ADGRL3: variants seen among roughly 807,000 people sequenced by gnomAD.
ADGRL3 encodes adhesion G protein-coupled receptor L3, also known as calcium-independent alpha-latrotoxin receptor 3.
In ADGRL3, 62 loss-of-function variants were observed where a neutral mutation model predicts 153.5. The observed-to-expected ratio is 0.40, with a 90% CI of 0.33 to 0.50. The LOEUF (loss-of-function observed/expected upper bound fraction) is 0.50. Ranked by LOEUF, ADGRL3 falls within the 20% of genes least tolerant of loss-of-function variation. ADGRL3 has a pLI of 0.47. For synonymous variants in ADGRL3, 710 were observed against 672.5 expected (o/e 1.06, Z -0.86); for missense variants, 1,641 against 1,859.4 (o/e 0.88, Z 2.16).
intron 3 of ADGRL3, among the ~76,000 whole-genome samples, chr4:61,504,785 A>G (rs2098416535): frequency 6.6e-6 from 1 of 152,094 alleles, no homozygotes; most frequent in African/African-American, 2.4e-5. Context: ...TGGCTTAAGA[A>G]TTTCATCGCT....
intron 9 of ADGRL3, among the ~76,000 whole-genome samples, chr4:61,847,075 A>G (rs1220075443): frequency 6.6e-6 from 1 of 151,804 alleles, no homozygotes; most frequent in East Asian, 1.9e-4. Context: ...ACAATTCAAC[A>G]TGAGATTTGG....
At chr4:61,876,656 T>A (rs1352219006) in intron 9 of ADGRL3, among the ~76,000 whole-genome samples, 10 of 151,328 alleles carry the variant, frequency 6.6e-5, no homozygotes, top group Non-Finnish European at 1.3e-4. Flanking sequence ...GTAGAGAGTA[T>A]GAGAAATAAA....
intron 22 of ADGRL3, 132 bp from the exon 23 acceptor site, chr4:62,031,310 A>G: frequency 1.5e-6 from 1 of 662,276 alleles, no homozygotes. Flanking sequence ...AAGTACTTAC[A>G]CCACCTGTCT....
chr4:61,219,358 C>G (rs899801398), intron 1 of ADGRL3, among the ~76,000 whole-genome samples: 2 of 152,158 alleles, frequency 1.3e-5, no homozygotes, highest in African/African-American at 4.8e-5. Context: ...AAGCCATTCT[C>G]TGAAGACCTG....
intron 8 of ADGRL3, among the ~76,000 whole-genome samples, chr4:61,768,439 A>G (rs1289451340): frequency 6.6e-6 from 1 of 151,964 alleles, no homozygotes; most frequent in African/African-American, 2.4e-5. Context: ...GAAAGAAGGA[A>G]GATTTGGGAC....
chr4:61,259,053 C>T (rs3860622), intron 1 of ADGRL3, among the ~76,000 whole-genome samples: 95,942 of 151,950 alleles, frequency 0.63, 30,497 homozygotes, highest in East Asian at 0.7. Context: ...ATTGAACTTA[C>T]CTCAAAACGA....
chr4:62,045,828 A>G (rs1025136682), intron 25 of ADGRL3, among the ~76,000 whole-genome samples: 6 of 151,996 alleles, frequency 3.9e-5, no homozygotes, highest in Non-Finnish European at 5.9e-5. Flanking sequence ...AACGTATTAA[A>G]ATAAAAGAGC....
chr4:62,072,447 T>C lies in ADGRL3; in HGVS notation c.*1539T>C, dbSNP rs769834947. 2 of 152,582 alleles carry C rather than the reference T, an allele frequency of 1.3e-5. No individual in the cohort carries two copies. The highest frequency in any genetic ancestry group is 2.9e-5 in the Non-Finnish European group (2 of 68,020). 9.5% of individuals were successfully genotyped at this position (152,582 alleles called of 1,614,324 possible). ...CAACTGATTGAGATTTAGAAGATAT[T>C]GTATTGATGTATGTACTATATGATT... On this transcript the variant is annotated 3_prime_UTR_variant, in exon 27 of 27. Transcript: ENST00000683033.
intron 8 of ADGRL3, among the ~76,000 whole-genome samples, chr4:61,772,553 G>A (rs981709407): frequency 1.3e-5 from 2 of 152,206 alleles, no homozygotes; most frequent in African/African-American, 4.8e-5. Context: ...TTAAACCTGA[G>A]TATTTTTATG....
chr4:61,850,492 T>C (rs6551661), intron 9 of ADGRL3, among the ~76,000 whole-genome samples: 26,745 of 152,132 alleles, frequency 0.18, 3,072 homozygotes, highest in African/African-American at 0.33. Flanking sequence ...AATGACAAAT[T>C]TAACTTGAGT....
chr4:61,970,936 A>G (rs988532333), intron 17 of ADGRL3, among the ~76,000 whole-genome samples: 1 of 152,188 alleles, frequency 6.6e-6, no homozygotes, highest in Middle Eastern at 3.4e-3. Flanking sequence ...CACAGAGTTC[A>G]TGCCACGTTT....
intron 10 of ADGRL3, among the ~76,000 whole-genome samples, chr4:61,893,709 CTT>C (rs34248874): frequency 1.0e-5 from 1 of 97,422 alleles, no homozygotes; most frequent in Non-Finnish European, 1.9e-5. Flanking sequence ...ATTTCTTTGC[CTT>C]TTTTTTTTTT....
intron 1 of ADGRL3, among the ~76,000 whole-genome samples, chr4:61,212,876 C>T (rs951460520): frequency 6.6e-6 from 1 of 151,920 alleles, no homozygotes. Flanking sequence ...ATTAAGCAAA[C>T]TTTTGCGAGT....
Position 61,979,679 on chromosome 4 carries a change from G to C in ADGRL3, c.2922G>C (p.Gln974His). Reference sequence around the variant, plus strand: ...CATTTTGCTTTTTCCGGGGGCTCCAGAGTGACCGTAACACCATCCACAAGA... The same window carrying C: ...CATTTTGCTTTTTCCGGGGGCTCCACAGTGACCGTAACACCATCCACAAGA... Reference protein sequence around the residue: ...IFTFCFFRGLQSDRNTIHKNL... With the variant: ...IFTFCFFRGLHSDRNTIHKNL... The change falls in exon 18 of 27, where the codon CAG becomes CAC. Residue 974 changes from glutamine to histidine, a missense_variant. Transcript: ENST00000683033. 2 of 1,613,870 alleles carry C rather than the reference G, an allele frequency of 1.2e-6. No homozygotes were observed. The highest frequency in any genetic ancestry group is 2.7e-5 in the African/African-American group (2 of 74,992).
chr4:61,427,935 C>T (rs962636802), intron 2 of ADGRL3: 2 of 152,818 alleles, frequency 1.3e-5, no homozygotes, highest in Non-Finnish European at 2.9e-5. Context: ...TGCTTCAGCG[C>T]CTTCTCCATG....
chr4:61,247,238 T>C (rs1490103270), intron 1 of ADGRL3, among the ~76,000 whole-genome samples: 1 of 152,064 alleles, frequency 6.6e-6, no homozygotes, highest in Admixed American at 6.6e-5. Context: ...ATCCTGGGGA[T>C]AGGGTGCTGG....
intron 2 of ADGRL3, among the ~76,000 whole-genome samples, chr4:61,412,786 A>G (rs767683191): frequency 4.5e-4 from 68 of 151,998 alleles, no homozygotes; most frequent in African/African-American, 1.5e-3. Flanking sequence ...GAGACTTTCT[A>G]TTTGTTGCTA....
intron 5 of ADGRL3, among the ~76,000 whole-genome samples, chr4:61,594,619 G>A (rs1560902872): frequency 1.3e-5 from 2 of 152,138 alleles, no homozygotes; most frequent in Admixed American, 1.3e-4. Flanking sequence ...CATATTGAGT[G>A]TCTCTCTCTG....
At chr4:61,980,762 T>C (rs1317343226) in intron 18 of ADGRL3, among the ~76,000 whole-genome samples, 7 of 152,070 alleles carry the variant, frequency 4.6e-5, no homozygotes, top group African/African-American at 1.7e-4. Flanking sequence ...TAAATGGTCA[T>C]ATATATTTGA....
Sources: allele counts gnomAD v4.1 joint callset (sites outside exome capture counted in the v4.1 genomes callset), GRCh38; gene constraint gnomAD v4.1.1; transcripts MANE v1.5; gene names NCBI Gene and HGNC (gene_info 2026-07-23, HGNC 2026-07-21).